MCUR1: variants seen among roughly 807,000 people sequenced by gnomAD.
The protein encoded by MCUR1 is mitochondrial calcium uniporter regulator 1.
MCUR1 carries 37 observed loss-of-function variants against 42.0 expected under a neutral mutation model. The ratio of observed to expected loss-of-function variants is 0.88; its 90% CI spans 0.68 to 1.16. MCUR1 has a LOEUF of 1.16. Ranked by LOEUF, MCUR1 falls within the 50% of genes most tolerant of loss-of-function variation. The probability of loss-of-function intolerance (pLI) is 0.00; values close to 1 mark genes in which losing one functional copy is unlikely to be tolerated. For missense variants in MCUR1, 469 were observed against 468.4 expected, an observed-to-expected ratio of 1.00 and a Z score of -0.01; for synonymous variants, 229 against 196.2, an observed-to-expected ratio of 1.17 and a Z score of -1.40.
chr6:13,814,518 G>C lies in MCUR1; in HGVS notation c.-89C>G, dbSNP rs1438781149. The C allele has an allele frequency of 9.1e-6, 12 of 1,315,730 alleles. No individual in the cohort carries two copies. The highest frequency in any genetic ancestry group is 3.8e-5 in the South Asian group (2 of 52,210). The allele number at this position is 1,315,730 out of a possible 1,614,324, so 81.5% of individuals were successfully genotyped here. A position where few individuals can be genotyped will look rare whatever the true frequency, so the allele number is the denominator to read the frequency against. On this transcript the variant is annotated 5_prime_UTR_variant, in exon 1 of 9. Coordinates refer to ENST00000379170, the MANE Select transcript of MCUR1 (RefSeq NM_001031713.4). Reference sequence around the variant, plus strand: ...CGGTCCAGGCCCAGAGTCCGACAGCGGGAGCGAGCGTGGGCCACAGCGCAG... The same window carrying C: ...CGGTCCAGGCCCAGAGTCCGACAGCCGGAGCGAGCGTGGGCCACAGCGCAG...
intron 1 of MCUR1, 23 bp from the exon 2 acceptor site, chr6:13,807,067 C>A (rs1227978580): frequency 1.9e-6 from 3 of 1,579,760 alleles, no homozygotes; most frequent in Non-Finnish European, 2.6e-6. Context: ...GGACAGTAAG[C>A]TCAAAACAGA....
chr6:13,803,210 C>G (rs147969211), intron 2 of MCUR1, among the ~76,000 whole-genome samples: 2,846 of 152,256 alleles, frequency 0.019, 97 homozygotes, highest in African/African-American at 0.066. Context: ...TACAGGCATG[C>G]GCCACCATGC....
At position 13,807,755 on chromosome 6, in the gene MCUR1, G is replaced by T. The variant is rs76842014; in HGVS notation, c.416-711C>A. Among the ~76,000 whole-genome samples, 1,502 of 152,260 alleles carry T rather than the reference G, an allele frequency of 9.9e-3. 22 individuals are homozygous for T. Among genetic ancestry groups the T allele is most frequent in the South Asian group, 0.034 (165 of 4,826 alleles). On this transcript the variant is annotated intron_variant, in intron 1 of 8. Transcript: ENST00000379170. ...ACACTCCTTCTAGCAGCGCACGAGG[G>T]TCTCAATTTCTCCACATCCTCACCA...
intron 6 of MCUR1, among the ~76,000 whole-genome samples, chr6:13,796,031 T>C (rs1177771232): frequency 6.6e-6 from 1 of 152,222 alleles, no homozygotes; most frequent in African/African-American, 2.4e-5. Context: ...TGTGCATTGG[T>C]TGCTTTCTGG....
intron 6 of MCUR1, among the ~76,000 whole-genome samples, chr6:13,798,536 T>C (rs1759907518): frequency 1.3e-5 from 2 of 152,184 alleles, no homozygotes; most frequent in Non-Finnish European, 2.9e-5. Flanking sequence ...CAGTATTAAA[T>C]AGATCAAGAT....
chr6:13,792,800 GA>G (rs1447146302), intron 7 of MCUR1, among the ~76,000 whole-genome samples: 9 of 152,120 alleles, frequency 5.9e-5, no homozygotes, highest in Non-Finnish European at 4.4e-5. Flanking sequence ...AAGTATTCCA[GA>G]GAAATATCCC....
intron 2 of MCUR1, among the ~76,000 whole-genome samples, chr6:13,805,489 C>T (rs891901141): frequency 2.6e-5 from 4 of 152,112 alleles, no homozygotes; most frequent in African/African-American, 9.7e-5. Flanking sequence ...CTTTGGAATT[C>T]GTATTACACT....
Position 13,814,436 on chromosome 6 carries a change from G to C in MCUR1, c.-7C>G. 3 of 1,522,486 alleles carry C rather than the reference G, an allele frequency of 2.0e-6. No homozygotes were observed. The highest frequency in any genetic ancestry group is 1.2e-5 in the South Asian group (1 of 82,410). The allele number at this position is 1,522,486 out of a possible 1,614,324, so 94.3% of individuals were successfully genotyped here. Reference sequence around the variant, plus strand: ...CGACCGAGCCGCAGTCCATCCCCGAGCAGTTCACTGGCCCGGGCGCGCGCT... The same window carrying C: ...CGACCGAGCCGCAGTCCATCCCCGACCAGTTCACTGGCCCGGGCGCGCGCT... On this transcript the variant is annotated 5_prime_UTR_variant, in exon 1 of 9. Coordinates refer to ENST00000379170, the MANE Select transcript of MCUR1 (RefSeq NM_001031713.4).
rs1432646124 is a variant in MCUR1, at chr6:13,787,264, G to A, written c.*3545C>T. ...CGACACACAGAGGCATGTTTGTTGC[G>A]GCTCAGGGTTTCTGTTTTTCAAGTG... is the stretch of plus-strand genomic sequence containing the variant. On this transcript the variant is annotated 3_prime_UTR_variant, in exon 9 of 9. Coordinates refer to ENST00000379170, the MANE Select transcript of MCUR1 (RefSeq NM_001031713.4). 8 of 152,158 alleles carry A rather than the reference G, an allele frequency of 5.3e-5. No individual in the cohort carries two copies. Among genetic ancestry groups the A allele is most frequent in the Non-Finnish European group, 1.0e-4 (7 of 68,042 alleles). 9.4% of individuals were successfully genotyped at this position (152,158 alleles called of 1,614,324 possible).
At chr6:13,807,093 A>G (rs747316616) in intron 1 of MCUR1, 49 bp from the exon 2 acceptor site, 7 of 1,548,662 alleles carry the variant, frequency 4.5e-6, no homozygotes, top group Middle Eastern at 3.5e-4. Context: ...TGCAAAACAA[A>G]AGCAACTCAG....
At chr6:13,813,729 CCCTAGGAGTGGGCGGGCA>C (rs886801188) in intron 1 of MCUR1, among the ~76,000 whole-genome samples, 19 of 152,232 alleles carry the variant, frequency 1.2e-4, no homozygotes, top group African/African-American at 4.6e-4. Flanking sequence ...CAAAAGCAGA[CCCTAGGAGTGGGCGGGCA>C]CCAACTCCCC....
At chr6:13,793,982 T>A (rs1439661396) in intron 6 of MCUR1, 35 bp from the exon 7 acceptor site, 1 of 1,586,438 alleles carries the variant, frequency 6.3e-7, no homozygotes, top group East Asian at 2.2e-5. Context: ...CAGATTCTGA[T>A]CTACTCCTCT....
At chr6:13,798,680 C>CA (rs1461086547) in intron 6 of MCUR1, among the ~76,000 whole-genome samples, 153 bp downstream of exon 6, 11 of 151,874 alleles carry the variant, frequency 7.2e-5, no homozygotes, top group African/African-American at 2.7e-4. Context: ...AGTCTTAATC[C>CA]AAAATTATTA....
At chr6:13,791,000 G>A (rs1561728144) in intron 8 of MCUR1, 136 bp from the exon 9 acceptor site, 5 of 571,296 alleles carry the variant, frequency 8.8e-6, no homozygotes, top group Middle Eastern at 3.8e-4. Flanking sequence ...TCCGTGAAAC[G>A]CCTGCCTACT....
chr6:13,791,193 C>T (rs546776045), intron 8 of MCUR1, among the ~76,000 whole-genome samples: 2 of 152,154 alleles, frequency 1.3e-5, no homozygotes, highest in Non-Finnish European at 2.9e-5. Context: ...GCAGATGACA[C>T]CATGCCCGGC....
chr6:13,798,344 C>T (rs1006507521), intron 6 of MCUR1, among the ~76,000 whole-genome samples: 7 of 152,098 alleles, frequency 4.6e-5, no homozygotes, highest in African/African-American at 1.7e-4. Context: ...AGGTGATCTG[C>T]CCATCTTGGC....
intron 1 of MCUR1, among the ~76,000 whole-genome samples, chr6:13,812,888 T>C (rs1210875790): frequency 6.6e-6 from 1 of 152,240 alleles, no homozygotes; most frequent in Non-Finnish European, 1.5e-5. Flanking sequence ...ATTGATTCTA[T>C]TTACTTTCCT....
intron 7 of MCUR1, 37 bp downstream of exon 7, chr6:13,793,857 T>G (rs1584982798): frequency 6.3e-7 from 1 of 1,575,188 alleles, no homozygotes; most frequent in Non-Finnish European, 8.7e-7. Context: ...CAAAGATGAG[T>G]ACAAAGACAA....
At chr6:13,801,088 C>T (rs979898325) in intron 4 of MCUR1, among the ~76,000 whole-genome samples, 200 bp downstream of exon 4, 5 of 152,166 alleles carry the variant, frequency 3.3e-5, no homozygotes, top group African/African-American at 1.2e-4. Context: ...ACAGCGTTTC[C>T]TCTGGGGCAG....
Sources: gnomAD v4.1 joint callset for allele counts (sites outside exome capture counted in the v4.1 genomes callset) on GRCh38, gnomAD v4.1.1 for gene constraint, MANE v1.5 for transcripts, NCBI Gene and HGNC (gene_info 2026-07-23, HGNC 2026-07-21) for gene names.